SUB1: variants seen among roughly 807,000 people sequenced by gnomAD.
SUB1 encodes the protein SUB1 regulator of transcription.
SUB1 carries 1 observed loss-of-function variant against 16.9 expected under a neutral mutation model. That is an observed-to-expected ratio of 0.06 (90% CI 0.02 to 0.28). The LOEUF (loss-of-function observed/expected upper bound fraction) is 0.28, where lower values mean the gene tolerates loss of function less well. SUB1 is among the 10% of genes least tolerant of loss of function. The pLI is 1.00. For synonymous variants in SUB1, 51 were observed against 46.9 expected (o/e 1.09, Z -0.36); for missense variants, 84 against 145.2 (o/e 0.58, Z 2.16).
chr5:32,587,860 T>C (rs1738712720), intron 1 of SUB1, among the ~76,000 whole-genome samples: 1 of 152,190 alleles, frequency 6.6e-6, no homozygotes, highest in African/African-American at 2.4e-5. Context: ...CCGCCTGCTT[T>C]GGCCTCCTAA....
intron 1 of SUB1, among the ~76,000 whole-genome samples, chr5:32,586,762 G>C (rs1738681811): frequency 6.6e-6 from 1 of 152,176 alleles, no homozygotes; most frequent in African/African-American, 2.4e-5. Context: ...TTAGAGATGA[G>C]GTTGCAAAAT....
In SUB1 at chr5:32,588,577, A is replaced by G. The variant is rs1738734051; in HGVS notation, c.65A>G (p.Asp22Gly). Residue 22 changes from aspartate to glycine, a missense_variant, in exon 2 of 5, where the codon GAC becomes GGC. Physicochemically the swap from Asp to Gly is moderately conservative, Grantham distance 94. Coordinates refer to ENST00000265073, the MANE Select transcript of SUB1 (RefSeq NM_006713.4). ...SSGSDSDSEV[D>G]KKLKRKKQVA... ...GGCAGTGATTCTGACAGTGAGGTTG[A>G]CAAAAAGGTGACTACTGCTGCACCA... The G allele has an allele frequency of 1.9e-6, 3 of 1,613,440 alleles. No individual in the cohort carries two copies. The highest frequency in any genetic ancestry group is 2.5e-6 in the Non-Finnish European group (3 of 1,179,560).
intron 3 of SUB1, chr5:32,594,665 G>C (rs1026472998): frequency 9.0e-5 from 40 of 446,090 alleles, no homozygotes; most frequent in Non-Finnish European, 1.5e-4. Flanking sequence ...CCTCCTGTCA[G>C]ATCAGCAGCG....
chr5:32,601,923 C>G lies in SUB1; in HGVS notation c.*839C>G, dbSNP rs1739124327. 1 of 172,744 alleles carries G rather than the reference C, an allele frequency of 5.8e-6. No homozygotes were observed. The highest frequency in any genetic ancestry group is 1.6e-4 in the East Asian group (1 of 6,066). 10.7% of individuals were successfully genotyped at this position (172,744 alleles called of 1,614,324 possible). The stretch of plus-strand genomic sequence containing the variant: ...GTCTGTAACATCAGATATTGTTCAA[C>G]TAGACTAGGATTTAATAAAAATTGT... On this transcript the variant is annotated 3_prime_UTR_variant, in exon 5 of 5. Transcript: ENST00000265073.
chr5:32,588,163 A>T lies in SUB1; in HGVS notation c.-1-349A>T, dbSNP rs536634734. Among the ~76,000 whole-genome samples the T allele has an allele frequency of 3.1e-3, 475 of 152,266 alleles. 2 individuals are homozygous for T. The highest frequency in any genetic ancestry group is 4.4e-3 in the Non-Finnish European group (298 of 68,008). The stretch of plus-strand genomic sequence containing the variant: ...GAATTACATTTCTTCTGGTTTTAAT[A>T]GTAATTGTTGTCTGCTGCCTTCTTG... On this transcript the variant is annotated intron_variant, in intron 1 of 4. Coordinates refer to ENST00000265073, the MANE Select transcript of SUB1 (RefSeq NM_006713.4).
chr5:32,595,956 T>G (rs1738951676), intron 3 of SUB1: 1 of 136,218 alleles, frequency 7.3e-6, no homozygotes, highest in African/African-American at 2.7e-5. Flanking sequence ...TTATATCTTT[T>G]GTGAAGAGTA....
intron 3 of SUB1, chr5:32,595,373 T>C (rs546107182): frequency 6.6e-6 from 1 of 152,370 alleles, no homozygotes; most frequent in African/African-American, 2.4e-5. Context: ...ACTGATCTTA[T>C]TTCTACCACT....
chr5:32,597,450 A>T (rs1163241223), intron 3 of SUB1: 1 of 151,992 alleles, frequency 6.6e-6, no homozygotes, highest in Non-Finnish European at 1.5e-5. Flanking sequence ...TTTGTTTATC[A>T]GTTCATCTCT....
chr5:32,598,931 C>T, intron 3 of SUB1, 30 bp from the exon 4 acceptor site: 8 of 1,527,598 alleles, frequency 5.2e-6, no homozygotes, highest in Non-Finnish European at 7.2e-6. Flanking sequence ...TTGAAAGGAG[C>T]ACCTCTTTTT....
At chr5:32,596,603 C>T (rs946776194) in intron 3 of SUB1, 2 of 152,064 alleles carry the variant, frequency 1.3e-5, no homozygotes, top group Admixed American at 1.3e-4. Context: ...CTTCCCCACC[C>T]CAAATGCAGA....
intron 1 of SUB1, chr5:32,586,211 C>G (rs1738664132): frequency 6.6e-6 from 1 of 152,282 alleles, no homozygotes; most frequent in East Asian, 1.9e-4. Context: ...CTCCCCTCGC[C>G]CGAGCGGCTG....
chr5:32,589,251 A>T (rs535768794), intron 2 of SUB1, among the ~76,000 whole-genome samples: 1 of 149,820 alleles, frequency 6.7e-6, no homozygotes, highest in South Asian at 2.1e-4. Context: ...CTGGTTAATT[A>T]AAAAAAAAAT....
intron 3 of SUB1, 174 bp from the exon 4 acceptor site, chr5:32,598,787 T>A (rs1739043906): frequency 4.7e-6 from 2 of 427,752 alleles, no homozygotes; most frequent in African/African-American, 4.1e-5. Context: ...TTGAAAAAAA[T>A]ATGCATATAA....
intron 1 of SUB1, among the ~76,000 whole-genome samples, chr5:32,587,137 G>T (rs1247674035): frequency 6.6e-6 from 1 of 152,100 alleles, no homozygotes; most frequent in Admixed American, 6.5e-5. Context: ...AAGCATGTGG[G>T]AGTTATTTAT....
In SUB1 at chr5:32,603,473, C is replaced by T. The variant is rs966828931; in HGVS notation, c.*2389C>T. 1 of 152,036 alleles carries T rather than the reference C, an allele frequency of 6.6e-6. No homozygotes were observed. The highest frequency in any genetic ancestry group is 2.4e-5 in the African/African-American group (1 of 41,404). The allele number at this position is 152,036 out of a possible 1,614,324, so 9.4% of individuals were successfully genotyped here. A position where few individuals can be genotyped will look rare whatever the true frequency, so the allele number is the denominator to read the frequency against. On this transcript the variant is annotated 3_prime_UTR_variant, in exon 5 of 5. Transcript: ENST00000265073. ...GGCTTTCTAATGGGTTTTTCCTCTT[C>T]GTTTTTAAAATGTGAGTAGCATTTG...
Position 32,602,942 on chromosome 5 carries a change from G to T in SUB1, c.*1858G>T, listed in dbSNP as rs1008084726. On this transcript the variant is annotated 3_prime_UTR_variant, in exon 5 of 5. Coordinates refer to ENST00000265073, the MANE Select transcript of SUB1 (RefSeq NM_006713.4). ...ATTTCTTATTTTTGGCACACGGAAA[G>T]GGTAGTTCGAGTACAGAACTTTGAT... 6 of 152,234 alleles carry T rather than the reference G, an allele frequency of 3.9e-5. No homozygotes were observed. Among genetic ancestry groups the T allele is most frequent in the African/African-American group, 1.4e-4 (6 of 41,566 alleles). The allele number at this position is 152,234 out of a possible 1,614,324, so 9.4% of individuals were successfully genotyped here. A position where few individuals can be genotyped will look rare whatever the true frequency, so the allele number is the denominator to read the frequency against.
chr5:32,587,613 A>AT (rs550698846), intron 1 of SUB1, among the ~76,000 whole-genome samples: 2,658 of 143,818 alleles, frequency 0.018, 45 homozygotes, highest in South Asian at 0.068. Context: ...ATTGTGTAAG[A>AT]TTTTTTTTTT....
intron 2 of SUB1, among the ~76,000 whole-genome samples, chr5:32,589,174 G>A (rs865790698): frequency 1.4e-4 from 22 of 151,726 alleles, no homozygotes; most frequent in African/African-American, 4.9e-4. Context: ...CTGCAGCCTC[G>A]ACCTCCTGGT....
At chr5:32,590,740 CGTGT>C (rs1738800184) in intron 2 of SUB1, among the ~76,000 whole-genome samples, 1 of 128,244 alleles carries the variant, frequency 7.8e-6, no homozygotes. Context: ...GGATTACAGG[CGTGT>C]GCCACCACGC....
Sources: allele counts gnomAD v4.1 joint callset (sites outside exome capture counted in the v4.1 genomes callset), GRCh38; gene constraint gnomAD v4.1.1; transcripts MANE v1.5; gene names NCBI Gene and HGNC (gene_info 2026-07-23, HGNC 2026-07-21).